The following ATP2B2 variants were observed in gnomAD, a reference collection of about 807,000 sequenced individuals.
The protein encoded by ATP2B2 is ATPase plasma membrane Ca2+ transporting 2.
ATP2B2 carries 15 observed loss-of-function variants against 120.0 expected under a neutral mutation model. The ratio of observed to expected loss-of-function variants is 0.12; its 90% CI spans 0.08 to 0.19. The LOEUF is 0.19. Among genes scored for constraint, ATP2B2 ranks in the 10% least tolerant of loss-of-function variants. ATP2B2 has a pLI of 1.00. For missense variants in ATP2B2, 1,045 were observed against 1,719.8 expected, an observed-to-expected ratio of 0.61 and a Z score of 6.94; for synonymous variants, 694 against 700.3, an observed-to-expected ratio of 0.99 and a Z score of 0.14.
At chr3:10,619,503 A>G (rs1575564487) in intron 2 of ATP2B2, among the ~76,000 whole-genome samples, 2 of 152,232 alleles carry the variant, frequency 1.3e-5, no homozygotes, top group East Asian at 3.8e-4. Flanking sequence ...CACAGAGCCC[A>G]CACAGGAATA....
At chr3:10,511,819 T>C (rs1304112724) in intron 3 of ATP2B2, among the ~76,000 whole-genome samples, 2 of 152,206 alleles carry the variant, frequency 1.3e-5, no homozygotes, top group Non-Finnish European at 2.9e-5. Flanking sequence ...GCAACAGATA[T>C]TTATTCACCT....
intron 1 of ATP2B2, among the ~76,000 whole-genome samples, chr3:10,700,046 A>G (rs1575633935): frequency 1.3e-5 from 2 of 152,204 alleles, no homozygotes; most frequent in East Asian, 3.8e-4. Context: ...AAGAGAAAAA[A>G]TACATATATA....
At chr3:10,473,684 A>G (rs2065098335) in intron 1 of ATP2B2, among the ~76,000 whole-genome samples, 2 of 152,254 alleles carry the variant, frequency 1.3e-5, no homozygotes, top group Non-Finnish European at 2.9e-5. Flanking sequence ...CTGTCCAGGC[A>G]TCTGTTTTGC....
chr3:10,343,081 C>G lies in ATP2B2; in HGVS notation c.2704-116G>C. 1 of 1,001,286 alleles carries G rather than the reference C, an allele frequency of 1.0e-6. No homozygotes were observed. Among genetic ancestry groups the G allele is most frequent in the Non-Finnish European group, 1.5e-6 (1 of 662,606 alleles). 62.0% of individuals were successfully genotyped at this position (1,001,286 alleles called of 1,614,324 possible). On this transcript the variant is annotated intron_variant, in intron 18 of 22. Transcript: ENST00000360273. The surrounding 1 kb of genome is among the most constrained non-coding windows in gnomAD (Gnocchi z 4.2). The stretch of plus-strand genomic sequence containing the variant: ...CTGCTGGAGGCTGGAGTCCGACCTG[C>G]CCCTTGGCTCCCCAGCAGGCATGGA...
intron 2 of ATP2B2, among the ~76,000 whole-genome samples, chr3:10,569,039 C>A (rs2068068827): frequency 6.6e-6 from 1 of 152,194 alleles, no homozygotes; most frequent in Admixed American, 6.5e-5. Context: ...CTCCTCTTAA[C>A]CCTGGGACGT....
chr3:10,611,855 A>C (rs144318790), intron 2 of ATP2B2, among the ~76,000 whole-genome samples: 92 of 152,322 alleles, frequency 6.0e-4, no homozygotes, highest in African/African-American at 2.1e-3. Flanking sequence ...CACCAGTGTC[A>C]TAAGTGTTAG....
At chr3:10,466,382 G>A (rs915910344) in intron 1 of ATP2B2, among the ~76,000 whole-genome samples, 1 of 152,178 alleles carries the variant, frequency 6.6e-6, no homozygotes, top group Admixed American at 6.5e-5. Flanking sequence ...GCCTGCACAC[G>A]TCTGAGTGGG....
intron 2 of ATP2B2, among the ~76,000 whole-genome samples, chr3:10,573,599 G>C (rs550181618): frequency 6.6e-6 from 1 of 152,188 alleles, no homozygotes; most frequent in East Asian, 1.9e-4. Flanking sequence ...CCCAGGCCTG[G>C]GACTCTGTAT....
At chr3:10,610,818 G>A (rs1353783459) in intron 2 of ATP2B2, among the ~76,000 whole-genome samples, 3 of 152,106 alleles carry the variant, frequency 2.0e-5, no homozygotes, top group Non-Finnish European at 1.5e-5. Flanking sequence ...GGTCTCTCTG[G>A]GTCTCGGTCT....
intron 1 of ATP2B2, among the ~76,000 whole-genome samples, chr3:10,625,767 C>T (rs2069681049): frequency 6.6e-6 from 1 of 152,188 alleles, no homozygotes; most frequent in Non-Finnish European, 1.5e-5. Flanking sequence ...ATGGGAGGCA[C>T]ACTCTGGGAC....
chr3:10,459,781 C>T (rs1304211093), intron 1 of ATP2B2, among the ~76,000 whole-genome samples: 1 of 152,240 alleles, frequency 6.6e-6, no homozygotes, highest in East Asian at 1.9e-4. Context: ...TTTAATCCTT[C>T]ACAACGATGC....
rs546873346 is a variant in ATP2B2 at position 10,551,932 on chromosome 3, G to A, written c.-414-17799C>T. Among the ~76,000 whole-genome samples the A allele has an allele frequency of 1.8e-4, 27 of 152,358 alleles. No individual in the cohort carries two copies. The South Asian group carries it at 5.4e-3, about 30-fold the overall frequency. On this transcript the variant is annotated intron_variant, in intron 2 of 21. Transcript: ENST00000646379. ...AGGGCCCTCAGCAAATGGAAGTTGC[G>A]AACATTAACGCTGCTTTTGAACAAT...
At chr3:10,447,530 T>G (rs1336632321) in intron 2 of ATP2B2, among the ~76,000 whole-genome samples, 1 of 152,226 alleles carries the variant, frequency 6.6e-6, no homozygotes, top group East Asian at 1.9e-4. Flanking sequence ...GGGGCCACAG[T>G]GCCCATCAGC....
intron 2 of ATP2B2, among the ~76,000 whole-genome samples, chr3:10,571,702 G>A (rs1180518297): frequency 6.6e-6 from 1 of 152,186 alleles, no homozygotes; most frequent in Non-Finnish European, 1.5e-5. Context: ...TGGTGGGGAG[G>A]TCGGGTGCTC....
At chr3:10,545,976 T>C (rs2067536982) in intron 2 of ATP2B2, among the ~76,000 whole-genome samples, 1 of 152,182 alleles carries the variant, frequency 6.6e-6, no homozygotes, top group South Asian at 2.1e-4. Context: ...ACTATGGTTA[T>C]GGTATGCAAA....
intron 2 of ATP2B2, among the ~76,000 whole-genome samples, chr3:10,591,516 C>T (rs1445923826): frequency 1.3e-5 from 2 of 152,212 alleles, no homozygotes; most frequent in African/African-American, 4.8e-5. Flanking sequence ...CCTCATGCTC[C>T]TCTCCACTGG....
At chr3:10,580,908 T>C (rs939859729) in intron 2 of ATP2B2, among the ~76,000 whole-genome samples, 2 of 152,256 alleles carry the variant, frequency 1.3e-5, no homozygotes, top group African/African-American at 2.4e-5. Flanking sequence ...AGTTGAATCA[T>C]TGCGACAGAA....
At chr3:10,445,450 G>C (rs1295278424) in intron 2 of ATP2B2, among the ~76,000 whole-genome samples, 1 of 152,256 alleles carries the variant, frequency 6.6e-6, no homozygotes, top group Non-Finnish European at 1.5e-5. Flanking sequence ...AGAACCAACA[G>C]TGGAAGAGGA....
intron 22 of ATP2B2, among the ~76,000 whole-genome samples, chr3:10,331,306 C>T (rs2059973078): frequency 6.6e-6 from 1 of 152,224 alleles, no homozygotes; most frequent in South Asian, 2.1e-4. Flanking sequence ...GAAGGCGCTG[C>T]AGGCCTCAGC....
Sources: gnomAD v4.1 joint callset for allele counts (sites outside exome capture counted in the v4.1 genomes callset) on GRCh38, gnomAD v4.1.1 for gene constraint, Gnocchi (gnomAD v3.1) non-coding constraint, MANE v1.5 for transcripts, NCBI Gene and HGNC (gene_info 2026-07-23, HGNC 2026-07-21) for gene names.